The following OAS1 variants were observed in gnomAD, a reference collection of about 807,000 sequenced individuals.
The protein encoded by OAS1 is 2'-5'-oligoadenylate synthase 1.
In OAS1, 24 loss-of-function variants were observed where a neutral mutation model predicts 38.5. The ratio of observed to expected loss-of-function variants is 0.62; its 90% CI spans 0.45 to 0.88. The LOEUF (loss-of-function observed/expected upper bound fraction) is 0.88, where lower values mean the gene tolerates loss of function less well. OAS1 is among the 40% of genes least tolerant of loss of function. The probability of loss-of-function intolerance (pLI) is 0.00; values close to 1 mark genes in which losing one functional copy is unlikely to be tolerated. For synonymous variants in OAS1, 169 were observed against 193.9 expected (o/e 0.87, Z 1.07); for missense variants, 482 against 493.9 (o/e 0.98, Z 0.23).
intron 3 of OAS1, among the ~76,000 whole-genome samples, 194 bp from the exon 4 acceptor site, chr12:112,916,315 C>T (rs535144074): frequency 1.3e-5 from 2 of 152,150 alleles, no homozygotes; most frequent in Non-Finnish European, 2.9e-5. Context: ...ACTGCACAGC[C>T]TCTGTTGCAA....
At chr12:112,920,953 T>C (rs1420846939), downstream of OAS1, among the ~76,000 whole-genome samples, 1 of 152,196 alleles carries the variant, frequency 6.6e-6, no homozygotes, top group Non-Finnish European at 1.5e-5. Flanking sequence ...ACCCTAATCC[T>C]TCTCTCTCTA....
chr12:112,922,082 T>C (rs1298064145), downstream of OAS1, among the ~76,000 whole-genome samples: 2 of 152,192 alleles, frequency 1.3e-5, no homozygotes, highest in Non-Finnish European at 2.9e-5. Context: ...ATGACGCTTT[T>C]CGTTATCAGT....
intron 2 of OAS1, chr12:112,909,098 T>A (rs891934983): frequency 2.4e-6 from 1 of 420,406 alleles, no homozygotes; most frequent in East Asian, 3.4e-5. Context: ...GAATTTTATC[T>A]TTCTAAAATC....
chr12:112,925,292 C>T (rs2043551730), intron 6 of OAS1, among the ~76,000 whole-genome samples: 1 of 152,120 alleles, frequency 6.6e-6, no homozygotes, highest in Non-Finnish European at 1.5e-5. Context: ...CACACCCTCC[C>T]CCTTTTCCTC....
intron 5 of OAS1, chr12:112,917,993 T>A: frequency 1.7e-6 from 2 of 1,210,086 alleles, no homozygotes; most frequent in Non-Finnish European, 2.2e-6. Context: ...CTAAGCCCTT[T>A]AATATGCACT....
rs1366409109 is a variant in OAS1, at chr12:112,908,660, T to C, written c.305T>C (p.Ile102Thr). The C allele has an allele frequency of 6.2e-7, 1 of 1,614,096 alleles. No homozygotes were observed. The highest frequency in any genetic ancestry group is 8.5e-7 in the Non-Finnish European group (1 of 1,180,024). Reference protein sequence around the residue: ...LNRRGEFIQEIRRQLEACQRE... With the variant: ...LNRRGEFIQETRRQLEACQRE... Reference sequence around the variant, plus strand: ...CGCCGGGGAGAGTTCATCCAGGAAATTAGGAGACAGCTGGAAGCCTGTCAA... The same window carrying C: ...CGCCGGGGAGAGTTCATCCAGGAAACTAGGAGACAGCTGGAAGCCTGTCAA... The change falls in exon 2 of 6, where the codon ATT (isoleucine) becomes ACT (threonine). Residue 102 changes from isoleucine to threonine, a missense_variant. Transcript: ENST00000202917.
intron 6 of OAS1, among the ~76,000 whole-genome samples, chr12:112,929,300 C>T (rs1215613583): frequency 1.3e-5 from 2 of 152,184 alleles, no homozygotes; most frequent in Non-Finnish European, 2.9e-5. Context: ...GGGAAGCCAG[C>T]TGGATTGAGG....
intron 1 of OAS1, 84 bp downstream of exon 1, chr12:112,907,303 A>AGAGAG: frequency 2.9e-6 from 4 of 1,378,038 alleles, no homozygotes; most frequent in African/African-American, 1.4e-5. Flanking sequence ...AGAGAGAGAG[A>AGAGAG]AGCAAAAACC....
At chr12:112,908,447 C>A in intron 1 of OAS1, 89 bp from the exon 2 acceptor site, 2 of 1,260,692 alleles carry the variant, frequency 1.6e-6, no homozygotes, top group Non-Finnish European at 2.2e-6. Context: ...GTGGCTAGTG[C>A]TCCATAATGT....
At position 112,919,727 on chromosome 12, in the gene OAS1, G is replaced by A; in HGVS notation, c.*174G>A. 1 of 1,494,558 alleles carries A rather than the reference G, an allele frequency of 6.7e-7. No homozygotes were observed. The highest frequency in any genetic ancestry group is 8.9e-7 in the Non-Finnish European group (1 of 1,117,946). The allele number at this position is 1,494,558 out of a possible 1,614,324, so 92.6% of individuals were successfully genotyped here. A position where few individuals can be genotyped will look rare whatever the true frequency, so the allele number is the denominator to read the frequency against. ...CTTCTATGCCCTCTATCCTATCATA[G>A]ATAACATTCTCCACAGCCTCACTTC... On this transcript the variant is annotated 3_prime_UTR_variant, in exon 6 of 6. Transcript: ENST00000202917.
At chr12:112,930,867 A>G (rs961031832) in intron 6 of OAS1, among the ~76,000 whole-genome samples, 1 of 152,208 alleles carries the variant, frequency 6.6e-6, no homozygotes, top group Non-Finnish European at 1.5e-5. Context: ...AGTGAAGCCC[A>G]TATTCATTCG....
At position 112,919,587 on chromosome 12, in the gene OAS1, GTT is replaced by G; in HGVS notation, c.*35_*36del. 1 of 1,614,150 alleles carries G rather than the reference GTT, an allele frequency of 6.2e-7. No homozygotes were observed. The highest frequency in any genetic ancestry group is 8.5e-7 in the Non-Finnish European group (1 of 1,180,004). ...GCATCTTGGGGGAAAGGGCTCCAGT[GTT>G]ATCTGGACCAGTTCCTTCATTTTCA... On this transcript the variant is annotated 3_prime_UTR_variant, in exon 6 of 6. Transcript: ENST00000202917.
downstream of OAS1, among the ~76,000 whole-genome samples, chr12:112,923,053 C>T (rs1477662548): frequency 6.6e-6 from 1 of 152,214 alleles, no homozygotes; most frequent in African/African-American, 2.4e-5. Context: ...GCTGTATGTG[C>T]ACTGTATACA....
chr12:112,917,853 G>A (rs1305312550), intron 5 of OAS1, 153 bp downstream of exon 5: 1 of 1,544,334 alleles, frequency 6.5e-7, no homozygotes, highest in African/African-American at 1.4e-5. Context: ...ATATTTTACA[G>A]TCATTTTGGT....
chr12:112,922,185 G>A (rs2043533940), downstream of OAS1, among the ~76,000 whole-genome samples: 1 of 152,114 alleles, frequency 6.6e-6, no homozygotes, highest in South Asian at 2.1e-4. Context: ...GTCCTTTGGG[G>A]GAAACCATTA....
chr12:112,925,352 G>C (rs1353557571), intron 6 of OAS1, among the ~76,000 whole-genome samples: 2 of 152,132 alleles, frequency 1.3e-5, no homozygotes, highest in African/African-American at 4.8e-5. Flanking sequence ...TGAGGTGCCA[G>C]GGCCCCTCTC....
chr12:112,916,937 A>G (rs963398774), intron 4 of OAS1, 199 bp downstream of exon 4: 33 of 562,508 alleles, frequency 5.9e-5, no homozygotes, highest in Non-Finnish European at 7.3e-5. Context: ...CACTATGCCA[A>G]TTATTTTACA....
chr12:112,925,581 G>C (rs1385854845), intron 6 of OAS1, among the ~76,000 whole-genome samples: 1 of 152,186 alleles, frequency 6.6e-6, no homozygotes, highest in Non-Finnish European at 1.5e-5. Flanking sequence ...GAGCCCAGGA[G>C]TTCAAGACCA....
chr12:112,929,394 C>T (rs993523444), intron 6 of OAS1, among the ~76,000 whole-genome samples: 1 of 152,094 alleles, frequency 6.6e-6, no homozygotes, highest in Non-Finnish European at 1.5e-5. Flanking sequence ...AATCTCTTTG[C>T]CAAACATTGC....
Sources: gnomAD v4.1 joint callset for allele counts (sites outside exome capture counted in the v4.1 genomes callset) on GRCh38, gnomAD v4.1.1 for gene constraint, MANE v1.5 for transcripts, NCBI Gene and HGNC (gene_info 2026-07-23, HGNC 2026-07-21) for gene names.